The following TAFA5 variants were observed in gnomAD, a reference collection of about 807,000 sequenced individuals.
TAFA5 encodes TAFA chemokine like family member 5.
Under a neutral mutation model 15.3 loss-of-function variants are expected in TAFA5, and 6 were observed. That is an observed-to-expected ratio of 0.39 (90% CI 0.21 to 0.77). TAFA5 has a LOEUF of 0.77. Among genes scored for constraint, TAFA5 ranks in the 30% least tolerant of loss-of-function variants. The pLI is 0.41. For missense variants in TAFA5, 161 were observed against 193.1 expected, an observed-to-expected ratio of 0.83 and a Z score of 0.98; for synonymous variants, 103 against 80.7, an observed-to-expected ratio of 1.28 and a Z score of -1.48.
intron 1 of TAFA5, among the ~76,000 whole-genome samples, chr22:48,515,790 C>T (rs133503): frequency 0.31 from 46,897 of 151,968 alleles, 7,405 homozygotes; most frequent in Middle Eastern, 0.35. Flanking sequence ...TGGGCAAGGC[C>T]GCTGAAGCCA....
chr22:48,561,279 C>G (rs1379123140), intron 1 of TAFA5, among the ~76,000 whole-genome samples: 1 of 152,146 alleles, frequency 6.6e-6, no homozygotes. Context: ...GGACAGAACC[C>G]AGAGCCTCTC....
rs1923199380 is a variant in TAFA5 at position 48,560,605 on chromosome 22, A to T, written c.112+70901A>T. Among the ~76,000 whole-genome samples the T allele has an allele frequency of 6.7e-6, 1 of 148,996 alleles. No homozygotes were observed. Among genetic ancestry groups the T allele is most frequent in the Non-Finnish European group, 1.5e-5 (1 of 67,450 alleles). ...TTATTATTATTATATTATTATTATT[A>T]ATTATTTATTTATTTATTTTTGAGA... On this transcript the variant is annotated intron_variant, in intron 1 of 3. Coordinates refer to ENST00000402357, the MANE Select transcript of TAFA5 (RefSeq NM_001082967.3). This position sits in a 1 kb window ranked among gnomAD's most constrained non-coding sequence, Gnocchi z 4.2.
At chr22:48,558,576 G>T (rs1923118500) in intron 1 of TAFA5, among the ~76,000 whole-genome samples, 1 of 152,190 alleles carries the variant, frequency 6.6e-6, no homozygotes, top group African/African-American at 2.4e-5. Flanking sequence ...GTGGCCTCAG[G>T]AGCCGTGGTC....
chr22:48,695,273 C>T (rs531292615), intron 2 of TAFA5, among the ~76,000 whole-genome samples: 24 of 152,102 alleles, frequency 1.6e-4, no homozygotes, highest in African/African-American at 5.3e-4. Context: ...CTGGGAGACT[C>T]GAGGGACACT....
intron 1 of TAFA5, among the ~76,000 whole-genome samples, chr22:48,575,598 C>CCAACGG (rs1555888860): frequency 2.1e-5 from 3 of 146,244 alleles, no homozygotes; most frequent in Non-Finnish European, 4.6e-5. Context: ...GGCGCGGCAG[C>CCAACGG]CACCGGCACC....
intron 1 of TAFA5, among the ~76,000 whole-genome samples, chr22:48,498,653 G>A (rs1920937692): frequency 1.3e-5 from 2 of 152,064 alleles, no homozygotes; most frequent in African/African-American, 4.8e-5. Context: ...TTTAGAGCTG[G>A]GCCATGCTCT....
chr22:48,704,476 G>A lies in TAFA5; in HGVS notation c.263-3241G>A, dbSNP rs558464301. Among the ~76,000 whole-genome samples the A allele has an allele frequency of 9.5e-4, 144 of 152,222 alleles. 1 individual carries two copies. Among genetic ancestry groups the A allele is most frequent in the African/African-American group, 3.1e-3 (128 of 41,536 alleles). ...CCCGGGAAGACGCATGACAGATTCC[G>A]GCCATCCCCACTCATGGCGCCATCC... On this transcript the variant is annotated intron_variant, in intron 2 of 3. Transcript: ENST00000402357.
intron 2 of TAFA5, chr22:48,693,363 C>T (rs1277050360): frequency 6.2e-7 from 1 of 1,612,414 alleles, no homozygotes. Context: ...CGAAATGTAC[C>T]ACCACCGGGA....
intron 1 of TAFA5, among the ~76,000 whole-genome samples, chr22:48,508,035 C>G (rs1485113877): frequency 6.6e-6 from 1 of 152,104 alleles, no homozygotes; most frequent in African/African-American, 2.4e-5. Flanking sequence ...GTGGGGAGAA[C>G]TGTCACTCGG....
chr22:48,662,007 C>G (rs1927459290), intron 2 of TAFA5, among the ~76,000 whole-genome samples: 1 of 134,618 alleles, frequency 7.4e-6, no homozygotes, highest in Non-Finnish European at 1.6e-5. Context: ...CATTGGGGTG[C>G]CTACTTTGGG....
intron 3 of TAFA5, among the ~76,000 whole-genome samples, chr22:48,714,230 C>T (rs1929338600): frequency 6.6e-6 from 1 of 152,210 alleles, no homozygotes; most frequent in Non-Finnish European, 1.5e-5. Context: ...CCTTCTGGAA[C>T]CCCCTGTAGG....
Position 48,674,031 on chromosome 22 carries a change from TCGCC to T in TAFA5, c.262+27290_262+27293del, listed in dbSNP as rs1927887999. 7.6e-5 allele frequency among the ~76,000 whole-genome samples: 11 copies of T among 143,830 alleles called. No homozygotes were observed. In the South Asian group the frequency reaches 2.0e-3, roughly 26 times the overall value. 94.4% of individuals were successfully genotyped at this position (143,830 alleles called of 152,430 possible). On this transcript the variant is annotated intron_variant, in intron 2 of 3. Transcript: ENST00000402357. ...GCCCGCCTCACATCTGGACTCCTCT[TCGCC>T]CGCCTCACATCTGGACTCCTCTGCC...
chr22:48,602,103 T>G (rs960423351), intron 1 of TAFA5, among the ~76,000 whole-genome samples: 1 of 152,162 alleles, frequency 6.6e-6, no homozygotes, highest in African/African-American at 2.4e-5. Context: ...TGCGAGAATG[T>G]GCCGACTCCC....
At chr22:48,513,486 C>A (rs1333870763) in intron 1 of TAFA5, among the ~76,000 whole-genome samples, 1 of 152,196 alleles carries the variant, frequency 6.6e-6, no homozygotes, top group African/African-American at 2.4e-5. Context: ...GACAGACTGG[C>A]GATTCCTGGG....
chr22:48,658,307 G>A (rs946427545), intron 2 of TAFA5, among the ~76,000 whole-genome samples: 2 of 152,182 alleles, frequency 1.3e-5, no homozygotes, highest in East Asian at 1.9e-4. Flanking sequence ...GGGATTCCGG[G>A]GCTCTTCTGA....
intron 1 of TAFA5, among the ~76,000 whole-genome samples, chr22:48,523,176 G>A (rs1026384515): frequency 1.3e-5 from 2 of 152,244 alleles, no homozygotes; most frequent in African/African-American, 2.4e-5. Context: ...ACCCTGCTGC[G>A]CCCTGCACGG....
intron 1 of TAFA5, among the ~76,000 whole-genome samples, chr22:48,634,116 A>T (rs2337484): frequency 1.4e-5 from 1 of 73,332 alleles, no homozygotes; most frequent in Non-Finnish European, 2.5e-5. Flanking sequence ...ACGTTCACTC[A>T]CTCGCTCACT....
At chr22:48,576,591 C>G in intron 1 of TAFA5, 1 of 1,432,692 alleles carries the variant, frequency 7.0e-7, no homozygotes, top group Non-Finnish European at 9.3e-7. Context: ...CCCGGGCGCG[C>G]GGACCGGTCC....
At chr22:48,616,035 G>T (rs2147177668) in intron 1 of TAFA5, among the ~76,000 whole-genome samples, 1 of 152,274 alleles carries the variant, frequency 6.6e-6, no homozygotes, top group East Asian at 1.9e-4. Context: ...CTGGTTCTGT[G>T]GGGTGCAGGG....
Sources: gnomAD v4.1 joint callset for allele counts (sites outside exome capture counted in the v4.1 genomes callset) on GRCh38, gnomAD v4.1.1 for gene constraint, Gnocchi (gnomAD v3.1) non-coding constraint, MANE v1.5 for transcripts, NCBI Gene and HGNC (gene_info 2026-07-23, HGNC 2026-07-21) for gene names.